Variants in ANKRD44 observed in about 807,000 individuals in gnomAD.
The protein encoded by ANKRD44 is ankyrin repeat domain 44.
A neutral mutation model predicts 116.0 loss-of-function variants in ANKRD44; 35 were observed. The observed-to-expected ratio is 0.30, with a 90% CI of 0.23 to 0.40. The LOEUF (loss-of-function observed/expected upper bound fraction) is 0.40, where lower values mean the gene tolerates loss of function less well. ANKRD44 is among the 10% of genes least tolerant of loss of function. The pLI, the probability that ANKRD44 is intolerant of heterozygous loss-of-function variation, is 1.00. For synonymous variants in ANKRD44, 435 were observed against 461.8 expected (o/e 0.94, Z 0.74); for missense variants, 1,014 against 1,242.6 (o/e 0.82, Z 2.77).
At chr2:197,265,029 C>G (rs1337601936) in intron 1 of ANKRD44, among the ~76,000 whole-genome samples, 1 of 152,110 alleles carries the variant, frequency 6.6e-6, no homozygotes, top group Non-Finnish European at 1.5e-5. Flanking sequence ...GCATCTTGGG[C>G]ACACTGAGAA....
chr2:197,052,212 C>T (rs1435391891), intron 16 of ANKRD44, among the ~76,000 whole-genome samples: 1 of 152,164 alleles, frequency 6.6e-6, no homozygotes, highest in African/African-American at 2.4e-5. Context: ...CCATCCTTCA[C>T]GTTTAATTTG....
At chr2:197,019,167 G>T (rs1253111340) in intron 17 of ANKRD44, among the ~76,000 whole-genome samples, 1 of 152,222 alleles carries the variant, frequency 6.6e-6, no homozygotes, top group Non-Finnish European at 1.5e-5. Flanking sequence ...ACACAGAAAT[G>T]CAGTGGCTTG....
Position 197,125,493 on chromosome 2 carries a change from C to A in ANKRD44, c.463-25G>T, listed in dbSNP as rs769197418. ...TCTGAAAGATAACCAACAATGAAAT[C>A]AAGCATACATTCTGTAATGGTGAGG... On this transcript the variant is annotated intron_variant, in intron 5 of 27. Transcript: ENST00000282272. 1.9e-5 allele frequency: 31 copies of A among 1,600,632 alleles called. No individual in the cohort carries two copies. In the East Asian group the frequency reaches 6.0e-4, roughly 31 times the overall value.
intron 15 of ANKRD44, among the ~76,000 whole-genome samples, chr2:197,079,430 T>C (rs907455665): frequency 1.3e-5 from 2 of 152,220 alleles, no homozygotes; most frequent in African/African-American, 2.4e-5. Flanking sequence ...GAAAAATCAA[T>C]GTTTAAAGCC....
At chr2:196,990,601 T>A in intron 27 of ANKRD44, 1 of 1,231,314 alleles carries the variant, frequency 8.1e-7, no homozygotes, top group Non-Finnish European at 1.0e-6. Context: ...AATACTTGAA[T>A]ACAACATAAA....
chr2:197,082,041 C>T lies in ANKRD44; in HGVS notation c.1458-316G>A, dbSNP rs2077810034. 2.6e-5 allele frequency among the ~76,000 whole-genome samples: 4 copies of T among 152,338 alleles called. 1 individual carries two copies. In the South Asian group the frequency reaches 8.3e-4, roughly 32 times the overall value. ...AAGTAAAGAAGTGAGTTAGCTAAAA[C>T]TTCTCTGACTCCTACCACATTCCCC... On this transcript the variant is annotated intron_variant, in intron 14 of 27. Coordinates refer to ENST00000282272, the MANE Select transcript of ANKRD44 (RefSeq NM_001195144.2).
intron 1 of ANKRD44, among the ~76,000 whole-genome samples, chr2:197,297,473 T>C (rs1327727031): frequency 6.6e-6 from 1 of 152,216 alleles, no homozygotes; most frequent in Non-Finnish European, 1.5e-5. Context: ...AGAGACTATT[T>C]ATTATAGAGT....
intron 1 of ANKRD44, among the ~76,000 whole-genome samples, chr2:197,193,879 C>G (rs935134096): frequency 5.3e-5 from 8 of 152,022 alleles, no homozygotes; most frequent in African/African-American, 1.9e-4. Flanking sequence ...GGGACTCCAT[C>G]TCAAAAAATA....
intron 21 of ANKRD44, among the ~76,000 whole-genome samples, chr2:196,969,504 A>G (rs576745659): frequency 1.3e-5 from 2 of 152,322 alleles, no homozygotes; most frequent in South Asian, 4.1e-4. Flanking sequence ...ATGTGGCAGG[A>G]AGGAGGTAGG....
intron 17 of ANKRD44, among the ~76,000 whole-genome samples, chr2:197,018,719 C>A (rs528489709): frequency 6.6e-6 from 1 of 152,204 alleles, no homozygotes. Context: ...ACACAGTAGA[C>A]ACTCAATACT....
At chr2:197,064,151 A>G (rs906052457) in intron 16 of ANKRD44, among the ~76,000 whole-genome samples, 4 of 152,260 alleles carry the variant, frequency 2.6e-5, no homozygotes, top group Non-Finnish European at 5.9e-5. Flanking sequence ...AATATTCAAC[A>G]TTCTTAAAGA....
intron 2 of ANKRD44, among the ~76,000 whole-genome samples, chr2:197,164,307 C>T (rs1418856425): frequency 1.3e-5 from 2 of 152,210 alleles, no homozygotes; most frequent in Non-Finnish European, 2.9e-5. Flanking sequence ...GTTCTTGACC[C>T]CTCTCTGGCA....
At chr2:197,127,516 C>T (rs995079973) in intron 4 of ANKRD44, among the ~76,000 whole-genome samples, 3 of 152,066 alleles carry the variant, frequency 2.0e-5, no homozygotes, top group Non-Finnish European at 2.9e-5. Flanking sequence ...AGAAGTCTGC[C>T]TTCTCCTGTA....
chr2:197,265,114 A>T (rs1199329600), intron 1 of ANKRD44, among the ~76,000 whole-genome samples: 1 of 152,188 alleles, frequency 6.6e-6, no homozygotes, highest in Non-Finnish European at 1.5e-5. Context: ...ATCCCACTCT[A>T]GCCAAAAATT....
chr2:197,113,892 A>C (rs1433078795), intron 8 of ANKRD44, among the ~76,000 whole-genome samples: 2 of 152,126 alleles, frequency 1.3e-5, no homozygotes, highest in African/African-American at 4.8e-5. Flanking sequence ...TTCTTCACAT[A>C]GGGAAACAGG....
In ANKRD44 at chr2:197,102,298, A is replaced by G. The variant is rs553194155; in HGVS notation, c.986-2368T>C. Among the ~76,000 whole-genome samples, 86 of 152,188 alleles carry G rather than the reference A, an allele frequency of 5.7e-4. 1 individual carries two copies. The highest frequency in any genetic ancestry group is 6.2e-4 in the Non-Finnish European group (42 of 68,024). On this transcript the variant is annotated intron_variant, in intron 9 of 27. Transcript: ENST00000282272. ...AATAATCTCATATGTATGTTGCTTCATATTTGTTAGATGTATCTTCAAGGT... is the reference window on the plus strand; with the variant it reads ...AATAATCTCATATGTATGTTGCTTCGTATTTGTTAGATGTATCTTCAAGGT...
chr2:197,151,428 A>G (rs2125450098), intron 2 of ANKRD44, among the ~76,000 whole-genome samples: 1 of 152,334 alleles, frequency 6.6e-6, no homozygotes, highest in African/African-American at 2.4e-5. Flanking sequence ...AAGGGGGAAC[A>G]CCCCCACTAT....
intron 4 of ANKRD44, chr2:197,135,333 C>G (rs2079191265): frequency 6.6e-6 from 1 of 152,152 alleles, no homozygotes; most frequent in Non-Finnish European, 1.5e-5. Context: ...CTATGGAGGT[C>G]AGTCATCCAG....
At chr2:197,132,569 G>A (rs1055962605) in intron 4 of ANKRD44, among the ~76,000 whole-genome samples, 2 of 152,148 alleles carry the variant, frequency 1.3e-5, no homozygotes, top group Non-Finnish European at 2.9e-5. Context: ...ACTGATATCT[G>A]TGTTATATGC....
Sources: allele counts gnomAD v4.1 joint callset (sites outside exome capture counted in the v4.1 genomes callset), GRCh38; gene constraint gnomAD v4.1.1; transcripts MANE v1.5; gene names NCBI Gene and HGNC (gene_info 2026-07-23, HGNC 2026-07-21).